Variants in PDE8A observed in about 807,000 individuals in gnomAD.
PDE8A encodes phosphodiesterase 8A.
In PDE8A, 59 loss-of-function variants were observed where a neutral mutation model predicts 105.0. That is an observed-to-expected ratio of 0.56 (90% CI 0.46 to 0.70). PDE8A has a LOEUF of 0.70. Among genes scored for constraint, PDE8A ranks in the 30% least tolerant of loss-of-function variants. The pLI, the probability that PDE8A is intolerant of heterozygous loss-of-function variation, is 0.00. For synonymous variants in PDE8A, 355 were observed against 371.9 expected (o/e 0.95, Z 0.52); for missense variants, 1,014 against 1,045.9 (o/e 0.97, Z 0.42).
At position 85,099,997 on chromosome 15, in the gene PDE8A, A is replaced by G; in HGVS notation, c.942-18A>G. 2 of 1,593,940 alleles carry G rather than the reference A, an allele frequency of 1.3e-6. No homozygotes were observed. The highest frequency in any genetic ancestry group is 1.7e-6 in the Non-Finnish European group (2 of 1,167,324). On this transcript the variant is annotated intron_variant, in intron 9 of 21. Transcript: ENST00000394553. ...TAGAGACTCAGAAGAGAAATAATGC[A>G]TTGTTTTTTACTTGCAGAAAAATTA...
At chr15:85,136,306 T>G (rs187847579) in intron 20 of PDE8A, among the ~76,000 whole-genome samples, 1 of 152,346 alleles carries the variant, frequency 6.6e-6, no homozygotes, top group East Asian at 1.9e-4. Context: ...GTTTAAAGTT[T>G]GGCTTGAGTT....
chr15:84,991,028 A>G (rs1379617314), intron 1 of PDE8A, among the ~76,000 whole-genome samples: 2 of 152,036 alleles, frequency 1.3e-5, no homozygotes, highest in Non-Finnish European at 2.9e-5. Context: ...CATTTACTGT[A>G]TTGCTGTCTT....
intron 1 of PDE8A, among the ~76,000 whole-genome samples, chr15:85,015,868 G>A (rs1053741186): frequency 6.6e-6 from 1 of 151,958 alleles, no homozygotes; most frequent in African/African-American, 2.4e-5. Context: ...TGGGCGTGGC[G>A]GCTCACACTT....
intron 11 of PDE8A, among the ~76,000 whole-genome samples, chr15:85,104,912 T>G (rs2081925371): frequency 6.6e-6 from 1 of 152,146 alleles, no homozygotes; most frequent in Admixed American, 6.5e-5. Context: ...CATTCATCAT[T>G]CATCCAAACT....
intron 3 of PDE8A, among the ~76,000 whole-genome samples, chr15:85,069,015 T>C (rs2081273515): frequency 6.6e-6 from 1 of 152,226 alleles, no homozygotes; most frequent in Non-Finnish European, 1.5e-5. Context: ...TATTGAGCTA[T>C]GTACAAGAGA....
At chr15:85,097,375 G>T (rs901813038) in intron 8 of PDE8A, among the ~76,000 whole-genome samples, 1 of 152,204 alleles carries the variant, frequency 6.6e-6, no homozygotes, top group African/African-American at 2.4e-5. Flanking sequence ...GGAGAGCACA[G>T]CTAATGTGAT....
At chr15:85,129,608 C>G (rs2082302943) in intron 20 of PDE8A, among the ~76,000 whole-genome samples, 1 of 152,028 alleles carries the variant, frequency 6.6e-6, no homozygotes, top group Non-Finnish European at 1.5e-5. Flanking sequence ...GTCTTTTTTT[C>G]TTAGTCCATC....
intron 20 of PDE8A, 123 bp downstream of exon 20, chr15:85,126,497 A>C (rs2082261075): frequency 1.0e-5 from 7 of 686,422 alleles, no homozygotes; most frequent in African/African-American, 1.9e-5. Flanking sequence ...TTGTTTTGCA[A>C]GGTAACAAAT....
At position 85,022,587 on chromosome 15, in the gene PDE8A, C is replaced by T. The variant is rs915977718; in HGVS notation, c.186+40239C>T. Among the ~76,000 whole-genome samples the T allele has an allele frequency of 2.7e-5, 4 of 148,992 alleles. No individual in the cohort carries two copies. The South Asian group carries it at 6.4e-4, about 24-fold the overall frequency. ...TGGAGTCTTGTTCTGTCACCCCTGT[C>T]GCCCAGGCTGGGGTGCAGTGGCGTG... On this transcript the variant is annotated intron_variant, in intron 1 of 21. Coordinates refer to ENST00000394553, the MANE Select transcript of PDE8A (RefSeq NM_002605.3).
At position 85,108,382 on chromosome 15, in the gene PDE8A, G is replaced by A. The variant is rs140677319; in HGVS notation, c.1037-671G>A. 7.2e-5 allele frequency among the ~76,000 whole-genome samples: 11 copies of A among 152,290 alleles called. No homozygotes were observed. In the East Asian group the frequency reaches 2.1e-3, roughly 30 times the overall value. On this transcript the variant is annotated intron_variant, in intron 11 of 21. Transcript: ENST00000394553. Reference sequence around the variant, plus strand: ...CTGCAAAGCAGCTCCTAGTTTCCTTGTCTGTGAAATGGGGATGCATGGTAC... The same window carrying A: ...CTGCAAAGCAGCTCCTAGTTTCCTTATCTGTGAAATGGGGATGCATGGTAC...
chr15:85,098,998 C>A (rs548782099), intron 9 of PDE8A, among the ~76,000 whole-genome samples: 1 of 151,694 alleles, frequency 6.6e-6, no homozygotes, highest in Admixed American at 6.6e-5. Context: ...GGTTATGATA[C>A]AATGTTAAAT....
chr15:85,005,612 T>C (rs74449881), intron 1 of PDE8A, among the ~76,000 whole-genome samples: 1 of 152,312 alleles, frequency 6.6e-6, no homozygotes, highest in Non-Finnish European at 1.5e-5. Flanking sequence ...TTAGGGACTA[T>C]TGCTTAAGAA....
intron 18 of PDE8A, among the ~76,000 whole-genome samples, chr15:85,122,569 T>G (rs940314964): frequency 6.6e-6 from 1 of 152,220 alleles, no homozygotes; most frequent in Non-Finnish European, 1.5e-5. Context: ...GAATAGAGAC[T>G]TTGTTTCATA....
Position 85,136,565 on chromosome 15 carries a change from T to C in PDE8A, c.2285T>C (p.Val762Ala), listed in dbSNP as rs1382773070. The change falls in exon 21 of 22, where the codon GTG becomes GCG. Residue 762 changes from valine (V) to alanine (A), a missense_variant. Transcript: ENST00000394553. ...TDEEKQQGLP[V>A]VMPVFDRNTC... ...GAAGAGAAGCAGCAGGGCTTACCTGTGGTGATGCCAGTGTTTGACAGAAAT... is the reference window on the plus strand; with the variant it reads ...GAAGAGAAGCAGCAGGGCTTACCTGCGGTGATGCCAGTGTTTGACAGAAAT... 1 of 1,613,910 alleles carries C rather than the reference T, an allele frequency of 6.2e-7. No individual in the cohort carries two copies. Among genetic ancestry groups the C allele is most frequent in the Admixed American group, 1.7e-5 (1 of 60,020 alleles).
At chr15:85,075,712 G>A (rs1005434020) in intron 3 of PDE8A, 150 bp from the exon 4 acceptor site, 2 of 541,550 alleles carry the variant, frequency 3.7e-6, no homozygotes, top group East Asian at 6.2e-5. Context: ...AGATCAAGTA[G>A]TCAAGAAGGT....
intron 11 of PDE8A, among the ~76,000 whole-genome samples, chr15:85,106,420 C>A (rs868761324): frequency 2.0e-5 from 3 of 152,166 alleles, no homozygotes; most frequent in Non-Finnish European, 4.4e-5. Flanking sequence ...TCATTTTCAC[C>A]TCCCTAATGC....
At chr15:85,073,157 A>G (rs1443591743) in intron 3 of PDE8A, among the ~76,000 whole-genome samples, 2 of 152,080 alleles carry the variant, frequency 1.3e-5, no homozygotes, top group Non-Finnish European at 2.9e-5. Flanking sequence ...AGTACTTAAC[A>G]CTGCTTTCAG....
chr15:85,070,008 A>T (rs1266930899), intron 3 of PDE8A, among the ~76,000 whole-genome samples: 1 of 152,060 alleles, frequency 6.6e-6, no homozygotes, highest in African/African-American at 2.4e-5. Context: ...ATGCCCGCCC[A>T]CTTTGGACTG....
chr15:84,990,704 A>G (rs1370757351), intron 1 of PDE8A, among the ~76,000 whole-genome samples: 1 of 152,232 alleles, frequency 6.6e-6, no homozygotes, highest in African/African-American at 2.4e-5. Flanking sequence ...AGTACACATT[A>G]TTTTGTGGAC....
Sources: allele counts gnomAD v4.1 joint callset (sites outside exome capture counted in the v4.1 genomes callset), GRCh38; gene constraint gnomAD v4.1.1; transcripts MANE v1.5; gene names NCBI Gene and HGNC (gene_info 2026-07-23, HGNC 2026-07-21).